MRPS6: variants seen among roughly 807,000 people sequenced by gnomAD.
The protein encoded by MRPS6 is mitochondrial ribosomal protein S6.
Under a neutral mutation model 13.1 loss-of-function variants are expected in MRPS6, and 6 were observed. That is an observed-to-expected ratio of 0.46 (90% CI 0.25 to 0.91). The LOEUF (loss-of-function observed/expected upper bound fraction) is 0.91, where lower values mean the gene tolerates loss of function less well. Among genes scored for constraint, MRPS6 ranks in the 40% least tolerant of loss-of-function variants. The pLI is 0.18. For missense variants in MRPS6, 164 were observed against 155.6 expected (o/e 1.05, Z -0.29); for synonymous variants, 61 against 56.5 (o/e 1.08, Z -0.36).
chr21:34,086,181 A>G (rs904475175), intron 1 of MRPS6, among the ~76,000 whole-genome samples: 1 of 152,146 alleles, frequency 6.6e-6, no homozygotes, highest in African/African-American at 2.4e-5. Flanking sequence ...CTGTAGACCC[A>G]TAGGTTCTAG....
chr21:34,080,922 A>G (rs1244123283), intron 1 of MRPS6, among the ~76,000 whole-genome samples: 1 of 152,234 alleles, frequency 6.6e-6, no homozygotes, highest in African/African-American at 2.4e-5. Context: ...ATGTTACCAG[A>G]AGTTGTGTTG....
Position 34,125,442 on chromosome 21 carries a change from T to C in MRPS6, c.147T>C (p.Tyr49=). The part of the protein sequence containing the change: ...LENLGERALP[Y]RISAHSQQHN... Reference sequence around the variant, plus strand: ...ACCTGGGTGAACGAGCGCTTCCTTATAGGATCTCTGCCCACAGTCAGCAGC... The same window carrying C: ...ACCTGGGTGAACGAGCGCTTCCTTACAGGATCTCTGCCCACAGTCAGCAGC... Residue 49 remains tyrosine, a synonymous_variant, in exon 2 of 3, where the codon TAT becomes TAC. Coordinates refer to ENST00000399312, the MANE Select transcript of MRPS6 (RefSeq NM_032476.4). 6.2e-7 allele frequency: 1 copy of C among 1,614,066 alleles called. No individual in the cohort carries two copies. The highest frequency in any genetic ancestry group is 1.1e-5 in the South Asian group (1 of 91,078).
intron 1 of MRPS6, among the ~76,000 whole-genome samples, chr21:34,075,358 A>T (rs1989302369): frequency 1.3e-5 from 2 of 152,224 alleles, no homozygotes; most frequent in Admixed American, 6.5e-5. Flanking sequence ...ATAGTTGCCA[A>T]GTATCTTGGT....
Position 34,096,193 on chromosome 21 carries a change from A to G in MRPS6, c.45+22448A>G, listed in dbSNP as rs754849326. The G allele has an allele frequency of 1.8e-5, 29 of 1,614,194 alleles. No individual in the cohort carries two copies. Among genetic ancestry groups the G allele is most frequent in the Non-Finnish European group, 2.4e-5 (28 of 1,180,020 alleles). On this transcript the variant is annotated intron_variant, in intron 1 of 2. Transcript: ENST00000399312. The surrounding 1 kb of genome is among the most constrained non-coding windows in gnomAD (Gnocchi z 5.9). ...TTTACTGATGATATAGCTTGCATCA[A>G]CCCAGAGCACTGCATGCTGGTGTGT...
chr21:34,108,610 C>T (rs1202633482), intron 1 of MRPS6, among the ~76,000 whole-genome samples: 1 of 152,144 alleles, frequency 6.6e-6, no homozygotes, highest in African/African-American at 2.4e-5. Flanking sequence ...TTCTCTTCTC[C>T]AGCAGTGAGA....
chr21:34,100,153 G>A (rs1161044332), intron 1 of MRPS6: 1 of 999,634 alleles, frequency 1.0e-6, no homozygotes, highest in African/African-American at 1.7e-5. Context: ...AAGTCAAAAT[G>A]AGGTGAGGAC....
chr21:34,103,662 G>A lies in MRPS6; in HGVS notation c.46-21679G>A, dbSNP rs955283792. The A allele has an allele frequency of 4.0e-6, 4 of 1,000,054 alleles. No individual in the cohort carries two copies. The African/African-American group carries it at 7.0e-5, about 17-fold the overall frequency. 61.9% of individuals were successfully genotyped at this position (1,000,054 alleles called of 1,614,324 possible). ...GTATCCCACAAGTGCCAGTCATAAA[G>A]GCCACCAGGTATTTGTCTCAGAGTT... On this transcript the variant is annotated intron_variant, in intron 1 of 2. Coordinates refer to ENST00000399312, the MANE Select transcript of MRPS6 (RefSeq NM_032476.4).
At chr21:34,078,143 C>CT (rs1004612628) in intron 1 of MRPS6, among the ~76,000 whole-genome samples, 22 of 152,044 alleles carry the variant, frequency 1.4e-4, no homozygotes, top group East Asian at 1.9e-4. Context: ...GTCAAGTGGT[C>CT]TTTTTTTTCT....
At chr21:34,125,847 G>T (rs534298089) in intron 2 of MRPS6, among the ~76,000 whole-genome samples, 1 of 152,278 alleles carries the variant, frequency 6.6e-6, no homozygotes, top group South Asian at 2.1e-4. Context: ...AAACATATGC[G>T]TTGCAAATAA....
At chr21:34,086,387 T>C (rs1250790794) in intron 1 of MRPS6, among the ~76,000 whole-genome samples, 1 of 152,202 alleles carries the variant, frequency 6.6e-6, no homozygotes, top group East Asian at 1.9e-4. Flanking sequence ...CTGAAAATTG[T>C]AGCATCCCTG....
At chr21:34,100,208 T>G (rs1979171414) in intron 1 of MRPS6, 1 of 1,000,128 alleles carries the variant, frequency 1.0e-6, no homozygotes, top group African/African-American at 1.7e-5. Context: ...TACCAGGTGT[T>G]AATGGTATCC....
chr21:34,075,313 T>G (rs1989301413), intron 1 of MRPS6, among the ~76,000 whole-genome samples: 1 of 152,236 alleles, frequency 6.6e-6, no homozygotes, highest in African/African-American at 2.4e-5. Flanking sequence ...TTGAAACCTT[T>G]GAAATGAAGA....
intron 1 of MRPS6, among the ~76,000 whole-genome samples, chr21:34,107,241 A>C (rs1979517382): frequency 6.6e-6 from 1 of 152,150 alleles, no homozygotes; most frequent in African/African-American, 2.4e-5. Context: ...CGGTATTGAC[A>C]TTTTTAAAGT....
rs769874431 is a variant in MRPS6, at chr21:34,096,447, T to G, written c.45+22702T>G. 118 of 1,614,128 alleles carry G rather than the reference T, an allele frequency of 7.3e-5. No homozygotes were observed. The highest frequency in any genetic ancestry group is 3.3e-4 in the Middle Eastern group (2 of 6,058). Reference sequence around the variant, plus strand: ...GATTGTGGGGAGGATATTTGTGGCATTTATGGTGGTGATCAGCATAGCATG... The same window carrying G: ...GATTGTGGGGAGGATATTTGTGGCAGTTATGGTGGTGATCAGCATAGCATG... On this transcript the variant is annotated intron_variant, in intron 1 of 2. Coordinates refer to ENST00000399312, the MANE Select transcript of MRPS6 (RefSeq NM_032476.4). This position sits in a 1 kb window ranked among gnomAD's most constrained non-coding sequence, Gnocchi z 5.9.
chr21:34,076,357 G>C (rs1989330786), intron 1 of MRPS6, among the ~76,000 whole-genome samples: 1 of 152,126 alleles, frequency 6.6e-6, no homozygotes, highest in African/African-American at 2.4e-5. Context: ...GCCCTGTGTT[G>C]GCTGTCACAG....
intron 1 of MRPS6, chr21:34,100,067 A>G (rs1979164822): frequency 1.0e-6 from 1 of 996,870 alleles, no homozygotes; most frequent in Non-Finnish European, 1.2e-6. Context: ...GTCTTTAGAC[A>G]TTAACATGTG....
chr21:34,097,415 A>AG, intron 1 of MRPS6: 3 of 1,358,250 alleles, frequency 2.2e-6, no homozygotes, highest in Non-Finnish European at 2.8e-6. Context: ...TGGGGAAAAA[A>AG]GTTATGTAAC....
At position 34,074,156 on chromosome 21, in the gene MRPS6, C is replaced by G. The variant is rs1251316350; in HGVS notation, c.45+411C>G. 1.6e-4 allele frequency among the ~76,000 whole-genome samples: 24 copies of G among 149,248 alleles called. No individual in the cohort carries two copies. The East Asian group carries it at 4.7e-3, about 29-fold the overall frequency. ...GCCAGTCGTGAAGCTGCCTCGTCGC[C>G]GGCCCCGCCGCCGCCGCCTGGTCCG... On this transcript the variant is annotated intron_variant, in intron 1 of 2. Transcript: ENST00000399312.
chr21:34,081,439 C>T (rs1197089409), intron 1 of MRPS6, among the ~76,000 whole-genome samples: 1 of 152,142 alleles, frequency 6.6e-6, no homozygotes, highest in East Asian at 1.9e-4. Flanking sequence ...ATGAAGGCTT[C>T]TGCTTTATAG....
Sources: allele counts gnomAD v4.1 joint callset (sites outside exome capture counted in the v4.1 genomes callset), GRCh38; gene constraint gnomAD v4.1.1; non-coding constraint Gnocchi (gnomAD v3.1); transcripts MANE v1.5; gene names NCBI Gene and HGNC (gene_info 2026-07-23, HGNC 2026-07-21).